The following SMYD3 variants were observed in gnomAD, a reference collection of about 807,000 sequenced individuals.
SMYD3 encodes the protein SET and MYND domain containing 3.
A neutral mutation model predicts 57.7 loss-of-function variants in SMYD3; 36 were observed. The ratio of observed to expected loss-of-function variants is 0.62; its 90% confidence interval spans 0.48 to 0.82. The LOEUF (loss-of-function observed/expected upper bound fraction) is 0.82. Among genes scored for constraint, SMYD3 ranks in the 40% least tolerant of loss-of-function variants. The probability of loss-of-function intolerance (pLI) is 0.00; values close to 1 mark genes in which losing one functional copy is unlikely to be tolerated. For missense variants in SMYD3, 515 were observed against 538.8 expected, an observed-to-expected ratio of 0.96 and a Z score of 0.44; for synonymous variants, 211 against 195.0, an observed-to-expected ratio of 1.08 and a Z score of -0.68.
intron 10 of SMYD3, among the ~76,000 whole-genome samples, chr1:245,812,701 C>CAAAAAAAAAAA (rs10636374): frequency 7.6e-6 from 1 of 130,958 alleles, no homozygotes; most frequent in African/African-American, 2.9e-5. Context: ...ACAACAGTTC[C>CAAAAAAAAAAA]AAAAAAAAAA....
intron 6 of SMYD3, among the ~76,000 whole-genome samples, chr1:245,928,409 C>G (rs1052781655): frequency 6.6e-6 from 1 of 151,858 alleles, no homozygotes; most frequent in Non-Finnish European, 1.5e-5. Context: ...TGGTGGCTCA[C>G]GCCTGTAATC....
chr1:245,797,940 A>C (rs1248399394), intron 10 of SMYD3, among the ~76,000 whole-genome samples: 2 of 151,942 alleles, frequency 1.3e-5, no homozygotes, highest in Non-Finnish European at 2.9e-5. Context: ...AAAGCTTTTC[A>C]CAATATGGGT....
intron 5 of SMYD3, among the ~76,000 whole-genome samples, chr1:246,072,889 T>G (rs1384862832): frequency 6.6e-6 from 1 of 152,232 alleles, no homozygotes; most frequent in East Asian, 1.9e-4. Flanking sequence ...GCATGGTGCA[T>G]GTACATAAAA....
chr1:245,869,352 C>T (rs1174012367), intron 8 of SMYD3, among the ~76,000 whole-genome samples: 1 of 152,190 alleles, frequency 6.6e-6, no homozygotes, highest in African/African-American at 2.4e-5. Flanking sequence ...GGCATCTCTG[C>T]CCTGACCCAC....
rs573834770 is a variant in SMYD3 at position 246,047,753 on chromosome 1, C to T, written c.532-117816G>A. ...ACTCAGAAGGCTGAGACAGGAGGATCGCCTGAGTCAAGGGAGGTCAAGGCT... is the reference window on the plus strand; with the variant it reads ...ACTCAGAAGGCTGAGACAGGAGGATTGCCTGAGTCAAGGGAGGTCAAGGCT... On this transcript the variant is annotated intron_variant, in intron 5 of 11. Transcript: ENST00000490107. 3.9e-4 allele frequency among the ~76,000 whole-genome samples: 59 copies of T among 152,092 alleles called. 3 individuals carry two copies. The South Asian group carries it at 0.012, about 30-fold the overall frequency.
chr1:246,207,894 T>TAAAG (rs74163415), intron 5 of SMYD3, among the ~76,000 whole-genome samples: 59,058 of 151,598 alleles, frequency 0.39, 12,629 homozygotes, highest in East Asian at 0.79. Context: ...GACTGGACAA[T>TAAAG]AACCTGGGGA....
intron 5 of SMYD3, among the ~76,000 whole-genome samples, chr1:246,118,114 C>A (rs556377655): frequency 6.6e-6 from 1 of 152,022 alleles, no homozygotes; most frequent in Admixed American, 6.5e-5. Context: ...GGTATATAAA[C>A]CTGAAGTGCT....
chr1:246,085,494 A>C (rs1318025346), intron 5 of SMYD3, among the ~76,000 whole-genome samples: 7 of 152,190 alleles, frequency 4.6e-5, no homozygotes, highest in Admixed American at 4.6e-4. Context: ...AAAGGACCCT[A>C]ATGTGTGAGG....
chr1:245,968,158 C>A (rs1558542682), intron 5 of SMYD3, among the ~76,000 whole-genome samples: 1 of 152,066 alleles, frequency 6.6e-6, no homozygotes, highest in Non-Finnish European at 1.5e-5. Context: ...AATCTACACA[C>A]TGCTGTCAGA....
rs138445361 is a variant in SMYD3 at position 246,191,420 on chromosome 1, A to T, written c.531+135781T>A. Reference sequence around the variant, plus strand: ...CTTGGGTGGCCTTGACAAGTTATGTAAGGTTTTGTTTCTTCAGAAAGACAC... The same window carrying T: ...CTTGGGTGGCCTTGACAAGTTATGTTAGGTTTTGTTTCTTCAGAAAGACAC... On this transcript the variant is annotated intron_variant, in intron 5 of 11. Coordinates refer to ENST00000490107, the MANE Select transcript of SMYD3 (RefSeq NM_001167740.2). Among the ~76,000 whole-genome samples, 18 of 152,316 alleles carry T rather than the reference A, an allele frequency of 1.2e-4. No homozygotes were observed. The East Asian group carries it at 3.5e-3, about 29-fold the overall frequency.
At chr1:246,066,684 G>C (rs1014267487) in intron 5 of SMYD3, among the ~76,000 whole-genome samples, 7 of 152,168 alleles carry the variant, frequency 4.6e-5, no homozygotes, top group Non-Finnish European at 1.0e-4. Flanking sequence ...AATTGCTTAA[G>C]TTTTCATTCT....
chr1:246,504,254 T>C (rs1206065875), intron 1 of SMYD3, among the ~76,000 whole-genome samples: 2 of 152,178 alleles, frequency 1.3e-5, no homozygotes, highest in Admixed American at 6.5e-5. Flanking sequence ...GTGCATCCCT[T>C]AAGGACATCA....
intron 2 of SMYD3, among the ~76,000 whole-genome samples, chr1:246,348,752 A>G (rs1167460559): frequency 6.6e-6 from 1 of 151,086 alleles, no homozygotes; most frequent in Non-Finnish European, 1.5e-5. Flanking sequence ...AGAATCTAAA[A>G]TAAATGTTGA....
chr1:246,319,080 C>T (rs1183950322), intron 5 of SMYD3, among the ~76,000 whole-genome samples: 2 of 152,190 alleles, frequency 1.3e-5, no homozygotes, highest in Non-Finnish European at 2.9e-5. Context: ...AGAAATATTT[C>T]TGAGAATAAT....
chr1:245,793,071 G>GA (rs1209497808), intron 10 of SMYD3, among the ~76,000 whole-genome samples: 2 of 51,618 alleles, frequency 3.9e-5, no homozygotes, highest in Non-Finnish European at 8.2e-5. Flanking sequence ...AGCACTTTGG[G>GA]AGGCCGAGGC....
At chr1:246,468,446 G>C (rs145939547) in intron 1 of SMYD3, among the ~76,000 whole-genome samples, 2,449 of 152,136 alleles carry the variant, frequency 0.016, 28 homozygotes, top group Non-Finnish European at 0.024. Context: ...TTCAAGACCA[G>C]CCTGGGCAAC....
intron 1 of SMYD3, among the ~76,000 whole-genome samples, chr1:246,367,751 AT>A (rs2066130248): frequency 6.6e-6 from 1 of 152,212 alleles, no homozygotes; most frequent in Non-Finnish European, 1.5e-5. Flanking sequence ...TCTTAAAAAA[AT>A]AAGTGAGGAA....
chr1:246,378,359 A>G (rs2066314543), intron 1 of SMYD3, among the ~76,000 whole-genome samples: 1 of 152,086 alleles, frequency 6.6e-6, no homozygotes, highest in Non-Finnish European at 1.5e-5. Context: ...CATTTGAGTC[A>G]GTGGACTGGG....
intron 5 of SMYD3, among the ~76,000 whole-genome samples, chr1:245,985,985 A>G (rs2148091151): frequency 6.6e-6 from 1 of 152,270 alleles, no homozygotes; most frequent in South Asian, 2.1e-4. Context: ...ACCTGGCTCA[A>G]AATAGGAGCC....
Sources: allele counts gnomAD v4.1 joint callset (sites outside exome capture counted in the v4.1 genomes callset), GRCh38; gene constraint gnomAD v4.1.1; transcripts MANE v1.5; gene names NCBI Gene and HGNC (gene_info 2026-07-23, HGNC 2026-07-21).